ATP8A1: variants seen among roughly 807,000 people sequenced by gnomAD.
ATP8A1 encodes ATPase phospholipid transporting 8A1, also known as phospholipid-transporting ATPase IA.
ATP8A1 carries 90 observed loss-of-function variants against 177.7 expected under a neutral mutation model. The ratio of observed to expected loss-of-function variants is 0.51; its 90% CI spans 0.43 to 0.60. The LOEUF (loss-of-function observed/expected upper bound fraction) is 0.60, where lower values mean the gene tolerates loss of function less well. Among genes scored for constraint, ATP8A1 ranks in the 20% least tolerant of loss-of-function variants. The pLI is 0.00. For synonymous variants in ATP8A1, 493 were observed against 485.9 expected, an observed-to-expected ratio of 1.01 and a Z score of -0.19; for missense variants, 1,072 against 1,392.8, an observed-to-expected ratio of 0.77 and a Z score of 3.67.
At chr4:42,444,457 C>T (rs1716991427) in intron 32 of ATP8A1, 121 bp downstream of exon 32, 16 of 915,922 alleles carry the variant, frequency 1.7e-5, no homozygotes, top group Non-Finnish European at 2.7e-5. Context: ...CAATTGAAAA[C>T]CTGTGGACTA....
chr4:42,471,807 G>A (rs1439341052), intron 25 of ATP8A1: 2 of 512,262 alleles, frequency 3.9e-6, no homozygotes, highest in African/African-American at 3.9e-5. Context: ...CAAGGAGAAG[G>A]CCATGTTCAT....
Position 42,627,088 on chromosome 4 carries a change from A to T in ATP8A1, c.71T>A (p.Val24Asp), listed in dbSNP as rs759464653. ...RAEGYEKTDD[V>D]SEKTSLADQE... ...GTCAGCCAGTGAGGTCTTCTCTGAA[A>T]CATCATCTGTCTTCTCATAACCTTA... The change falls in exon 2 of 37, where the codon GTT (valine) becomes GAT (aspartate). Residue 24 changes from valine (V) to aspartate (D), a missense_variant. Around this residue, in one of 5 missense-constraint regions of ATP8A1, gnomAD observed 344 missense variants for 393.5 expected, o/e 0.87. Transcript: ENST00000381668. 3 of 1,613,664 alleles carry T rather than the reference A, an allele frequency of 1.9e-6. No individual in the cohort carries two copies. The highest frequency in any genetic ancestry group is 2.7e-5 in the African/African-American group (2 of 74,920).
chr4:42,544,674 CA>C (rs1432367690), intron 19 of ATP8A1, among the ~76,000 whole-genome samples: 1 of 152,164 alleles, frequency 6.6e-6, no homozygotes, highest in Non-Finnish European at 1.5e-5. Flanking sequence ...GACAGCATTA[CA>C]AAGGATAGGA....
chr4:42,485,530 A>T lies in ATP8A1; in HGVS notation c.2290T>A (p.Leu764Ile). ...ATGACAGCTTTGCATGACAAAGCTA[A>T]GTCCAGGAAATACTGTCGTACTCCA... ...TFGVRQYFLD[L>I]ALSCKAVICC... The change falls in exon 25 of 37, where the codon TTA (leucine) becomes ATA (isoleucine). Residue 764 changes from leucine (L) to isoleucine (I), a missense_variant. Transcript: ENST00000381668. 1 of 1,612,682 alleles carries T rather than the reference A, an allele frequency of 6.2e-7. No individual in the cohort carries two copies. The highest frequency in any genetic ancestry group is 8.5e-7 in the Non-Finnish European group (1 of 1,179,532).
In ATP8A1 at chr4:42,485,642, G is replaced by C. The variant is rs1423697094; in HGVS notation, c.2178C>G (p.His726Gln). ...LDGTRETLSR[H>Q]CTTLGDALRK... Reference sequence around the variant, plus strand: ...GGAGAGCATCACCAAGGGTAGTACAGTGACGACTGAGAGTTTCCCTTGTTC... The same window carrying C: ...GGAGAGCATCACCAAGGGTAGTACACTGACGACTGAGAGTTTCCCTTGTTC... Residue 726 changes from histidine to glutamine, a missense_variant, in exon 25 of 37, where the codon CAC (histidine) becomes CAG (glutamine). This residue lies in a region of ATP8A1 where 388 missense variants were observed against 471.7 expected (regional missense o/e 0.82). Coordinates refer to ENST00000381668, the MANE Select transcript of ATP8A1 (RefSeq NM_006095.2). 2.5e-6 allele frequency: 4 copies of C among 1,611,204 alleles called. No homozygotes were observed. The highest frequency in any genetic ancestry group is 1.3e-5 in the African/African-American group (1 of 74,798).
intron 35 of ATP8A1, among the ~76,000 whole-genome samples, chr4:42,420,184 T>C (rs909225168): frequency 2.6e-5 from 4 of 152,192 alleles, no homozygotes; most frequent in African/African-American, 9.7e-5. Context: ...TTTTTCTCCT[T>C]TCACAGATCT....
chr4:42,443,713 G>A, intron 32 of ATP8A1, 41 bp from the exon 33 acceptor site: 1 of 857,186 alleles, frequency 1.2e-6, no homozygotes. Context: ...GTTTTATGTA[G>A]ACCGAGTACA....
chr4:42,539,997 T>A (rs542275931), intron 20 of ATP8A1, among the ~76,000 whole-genome samples: 1 of 151,892 alleles, frequency 6.6e-6, no homozygotes, highest in South Asian at 2.1e-4. Flanking sequence ...ATCAACAGAG[T>A]GAAGAGAATC....
chr4:42,469,184 T>C (rs1320561892), intron 25 of ATP8A1, among the ~76,000 whole-genome samples: 1 of 152,206 alleles, frequency 6.6e-6, no homozygotes, highest in Non-Finnish European at 1.5e-5. Context: ...TAGAGCATTA[T>C]ACCTGGATTT....
chr4:42,458,048 A>AT (rs994611257), intron 27 of ATP8A1, among the ~76,000 whole-genome samples: 1 of 152,154 alleles, frequency 6.6e-6, no homozygotes, highest in African/African-American at 2.4e-5. Flanking sequence ...AGTACCTTAG[A>AT]TTTTCACTCT....
intron 24 of ATP8A1, among the ~76,000 whole-genome samples, chr4:42,498,411 A>C (rs1411020510): frequency 1.3e-5 from 2 of 152,230 alleles, no homozygotes; most frequent in Non-Finnish European, 2.9e-5. Context: ...TTCAGCTAGA[A>C]AAAAGTTAGC....
chr4:42,417,062 T>C lies in ATP8A1; in HGVS notation c.3306-2344A>G, dbSNP rs566330577. On this transcript the variant is annotated intron_variant, in intron 35 of 36. Transcript: ENST00000381668. ...TTTTCCTTAGCTATTTTGAACTTCT[T>C]GCTTTAGTCCTGTAGAGCAGAGTCC... Among the ~76,000 whole-genome samples the C allele has an allele frequency of 3.6e-3, 544 of 152,324 alleles. 2 individuals carry two copies. Among genetic ancestry groups the C allele is most frequent in the African/African-American group, 0.012 (514 of 41,576 alleles).
chr4:42,571,539 C>T (rs530195755), intron 14 of ATP8A1, among the ~76,000 whole-genome samples: 55 of 151,332 alleles, frequency 3.6e-4, no homozygotes, highest in Non-Finnish European at 7.5e-4. Flanking sequence ...GATTTGTGGC[C>T]CCTGAACAGA....
rs185267474 is a variant in ATP8A1 at position 42,409,290 on chromosome 4, T to C, written c.*3626A>G. The C allele has an allele frequency of 6.6e-6, 1 of 152,280 alleles. No homozygotes were observed. Among genetic ancestry groups the C allele is most frequent in the East Asian group, 1.9e-4 (1 of 5,192 alleles). 9.4% of individuals were successfully genotyped at this position (152,280 alleles called of 1,614,324 possible). On this transcript the variant is annotated 3_prime_UTR_variant, in exon 37 of 37. Transcript: ENST00000381668. ...GAAATATGGAAAACATTTATTTCCT[T>C]TCCTTCAAAATTTAACTTACATTCC...
chr4:42,581,346 C>G (rs112595571), intron 10 of ATP8A1, among the ~76,000 whole-genome samples: 364 of 152,220 alleles, frequency 2.4e-3, no homozygotes, highest in Middle Eastern at 6.8e-3. Flanking sequence ...TGTTAGCCAG[C>G]ATGATCTTGA....
intron 22 of ATP8A1, among the ~76,000 whole-genome samples, chr4:42,509,632 G>A (rs907217459): frequency 2.0e-5 from 3 of 152,020 alleles, no homozygotes; most frequent in Non-Finnish European, 4.4e-5. Flanking sequence ...AGGCCTAGGC[G>A]GGTGGATCAC....
chr4:42,566,995 T>C (rs146263820), intron 15 of ATP8A1, among the ~76,000 whole-genome samples: 1 of 152,222 alleles, frequency 6.6e-6, no homozygotes, highest in African/African-American at 2.4e-5. Flanking sequence ...AACCTCCTGA[T>C]GATGCAACTA....
intron 25 of ATP8A1, among the ~76,000 whole-genome samples, chr4:42,473,821 T>TG (rs377641599): frequency 0.33 from 22,932 of 69,524 alleles, 2,178 homozygotes; most frequent in East Asian, 0.53. Flanking sequence ...AATTTTTGTG[T>TG]TTTTTTTTTT....
intron 1 of ATP8A1, among the ~76,000 whole-genome samples, chr4:42,632,549 A>AATAGTCAC (rs1159580120): frequency 1.6e-4 from 24 of 152,228 alleles, no homozygotes; most frequent in South Asian, 2.1e-4. Context: ...CAGTATAGGG[A>AATAGTCAC]ATAGTCACAT....
Sources: allele counts gnomAD v4.1 joint callset (sites outside exome capture counted in the v4.1 genomes callset), GRCh38; gene constraint gnomAD v4.1.1; regional missense constraint gnomAD v4.1.1; transcripts MANE v1.5; gene names NCBI Gene and HGNC (gene_info 2026-07-23, HGNC 2026-07-21).